COQ2: variants seen among roughly 807,000 people sequenced by gnomAD.
The protein encoded by COQ2 is coenzyme Q2, polyprenyltransferase.
COQ2 carries 25 observed loss-of-function variants against 35.7 expected under a neutral mutation model. The ratio of observed to expected loss-of-function variants is 0.70; its 90% CI spans 0.51 to 0.98. COQ2 has a LOEUF of 0.98. Ranked by LOEUF, COQ2 falls within the 50% of genes least tolerant of loss-of-function variation. COQ2 has a pLI of 0.00. For synonymous variants in COQ2, 206 were observed against 186.2 expected (o/e 1.11, Z -0.86); for missense variants, 488 against 473.5 (o/e 1.03, Z -0.28).
chr4:83,269,612 T>C (rs1162097506), intron 5 of COQ2, among the ~76,000 whole-genome samples: 2 of 152,226 alleles, frequency 1.3e-5, no homozygotes, highest in South Asian at 2.1e-4. Context: ...AATACTACTT[T>C]ATTGCTTGTA....
chr4:83,270,041 G>A, intron 4 of COQ2, 48 bp from the exon 5 acceptor site: 1 of 1,594,760 alleles, frequency 6.3e-7, no homozygotes, highest in South Asian at 1.1e-5. Flanking sequence ...ATGTACTTTA[G>A]AATCCTAAAG....
At position 83,273,505 on chromosome 4, in the gene COQ2, T is replaced by C. The variant is rs121918232; in HGVS notation, c.533A>G (p.Asn178Ser). ...AAAACGTTTAATATACCTGTAGTAA[T>C]TTAGACACAGAAGAACACCCAGTGC... ...TLALGVLLCL[N>S]YYSIALGAGS... The change falls in exon 3 of 7, where the codon AAT becomes AGT. Residue 178 changes from asparagine (N) to serine (S), a missense_variant. Asn to Ser is a conservative substitution (Grantham distance 46). Transcript: ENST00000647002. 291 of 1,613,012 alleles carry C rather than the reference T, an allele frequency of 1.8e-4. No individual in the cohort carries two copies. Among genetic ancestry groups the C allele is most frequent in the Non-Finnish European group, 2.4e-4 (281 of 1,179,536 alleles).
At chr4:83,276,309 C>T (rs1401138043) in intron 2 of COQ2, among the ~76,000 whole-genome samples, 2 of 151,762 alleles carry the variant, frequency 1.3e-5, no homozygotes, top group Non-Finnish European at 2.9e-5. Flanking sequence ...TTGTTGGACG[C>T]ATTGTTTGTA....
chr4:83,267,596 A>G lies in COQ2; in HGVS notation c.941T>C (p.Leu314Pro), dbSNP rs753215550. Residue 314 changes from leucine (L) to proline (P), a missense_variant, in exon 6 of 7, where the codon CTG (leucine) becomes CCG (proline). Physicochemically the swap from Leu to Pro is moderately conservative, Grantham distance 98. Transcript: ENST00000647002. Reference protein sequence around the residue: ...YAALGAVGAHLTHQIYTLDIH... With the variant: ...YAALGAVGAHPTHQIYTLDIH... ...AGAAAAAGGTCAAACCTGGTGAGTC[A>G]GATGGGCTCCTACAGCACCCAGGGC... 1.3e-6 allele frequency: 2 copies of G among 1,569,138 alleles called. No individual in the cohort carries two copies. The highest frequency in any genetic ancestry group is 1.4e-5 in the African/African-American group (1 of 73,208).
Position 83,272,101 on chromosome 4 carries a change from G to C in COQ2, c.614C>G (p.Pro205Arg), listed in dbSNP as rs762231381. ...TGTAAGCTCACCCAAGGCTAGTTGA[G>C]GCCAGTATGAAATTCTTTTCATTAG... ...YPLMKRISYW[P>R]QLALGLTFNW... The change falls in exon 4 of 7, where the codon CCT (proline) becomes CGT (arginine). Residue 205 changes from proline to arginine, a missense_variant. Coordinates refer to ENST00000647002, the MANE Select transcript of COQ2 (RefSeq NM_001358921.2). 8.7e-6 allele frequency: 14 copies of C among 1,606,810 alleles called. No individual in the cohort carries two copies. Among genetic ancestry groups the C allele is most frequent in the Non-Finnish European group, 1.2e-5 (14 of 1,175,828 alleles).
chr4:83,274,885 T>C (rs1004106990), intron 2 of COQ2, among the ~76,000 whole-genome samples: 2 of 152,222 alleles, frequency 1.3e-5, no homozygotes, highest in Admixed American at 6.5e-5. Context: ...TGGTGTCATT[T>C]CTATTATTCT....
chr4:83,272,298 G>A, intron 3 of COQ2, 126 bp from the exon 4 acceptor site: 1 of 516,810 alleles, frequency 1.9e-6, no homozygotes, highest in Non-Finnish European at 3.4e-6. Context: ...TATATTTTAT[G>A]TAAGTTATCT....
chr4:83,279,856 TAGTC>T (rs965719565), intron 1 of COQ2, among the ~76,000 whole-genome samples: 2 of 121,160 alleles, frequency 1.7e-5, no homozygotes, highest in Non-Finnish European at 3.3e-5. Context: ...TTAGACGGTC[TAGTC>T]TTTTTTTTTT....
chr4:83,284,285 C>T (rs1735397618), intron 1 of COQ2: 1 of 985,304 alleles, frequency 1.0e-6, no homozygotes, highest in Non-Finnish European at 1.2e-6. Flanking sequence ...TGAGGTGACT[C>T]GCCCCAGGGC....
chr4:83,274,707 G>C (rs1735128617), intron 2 of COQ2, among the ~76,000 whole-genome samples: 1 of 152,070 alleles, frequency 6.6e-6, no homozygotes, highest in Non-Finnish European at 1.5e-5. Flanking sequence ...TAAATATGTA[G>C]GTTTATGTCT....
rs1361234413 is a variant in COQ2 at position 83,279,200 on chromosome 4, TAAAG to T, written c.254-90_254-87del. The T allele has an allele frequency of 3.6e-6, 5 of 1,400,324 alleles. No individual in the cohort carries two copies. The African/African-American group carries it at 4.5e-5, about 13-fold the overall frequency. The allele number at this position is 1,400,324 out of a possible 1,614,324, so 86.7% of individuals were successfully genotyped here. On this transcript the variant is annotated intron_variant, in intron 1 of 6. Coordinates refer to ENST00000647002, the MANE Select transcript of COQ2 (RefSeq NM_001358921.2). The stretch of plus-strand genomic sequence containing the variant: ...GTTTAAACATCACATACCAAAGAAA[TAAAG>T]AACACTATAAGTCAAAAAAACAAAT...
rs1313099895 is a variant in COQ2, at chr4:83,273,603, G to C, written c.435C>G (p.Ala145=). 1.2e-6 allele frequency: 2 copies of C among 1,613,096 alleles called. No homozygotes were observed. Among genetic ancestry groups the C allele is most frequent in the African/African-American group, 2.7e-5 (2 of 74,802 alleles). ...QDYDKKVTRT[A]NRPIAAGDIS... ...TGTCTCCAGCGGCTATTGGACGATT[G>C]GCTGTTCTTGTAACCTTAAAACATA... The change falls in exon 3 of 7, where the codon GCC becomes GCG. Residue 145 remains alanine, a synonymous_variant. Transcript: ENST00000647002.
chr4:83,269,411 T>C (rs114212190), intron 5 of COQ2, among the ~76,000 whole-genome samples: 2,799 of 152,284 alleles, frequency 0.018, 63 homozygotes, highest in Non-Finnish European at 0.025. Flanking sequence ...CAGAAGAATG[T>C]AGTGGTTAAA....
At chr4:83,277,973 AACACAC>A (rs10595798) in intron 2 of COQ2, among the ~76,000 whole-genome samples, 14,510 of 140,038 alleles carry the variant, frequency 0.1, 838 homozygotes, top group African/African-American at 0.14. Context: ...TCCATCTCAA[AACACAC>A]ACACACACAC....
At chr4:83,269,764 C>T in intron 5 of COQ2, 96 bp downstream of exon 5, 1 of 1,119,118 alleles carries the variant, frequency 8.9e-7, no homozygotes, top group Non-Finnish European at 1.2e-6. Flanking sequence ...TCTTAAAAAA[C>T]AACAACAAAT....
chr4:83,264,507 C>T (rs775367250), intron 6 of COQ2, 144 bp from the exon 7 acceptor site: 1 of 1,243,912 alleles, frequency 8.0e-7, no homozygotes, highest in Non-Finnish European at 1.1e-6. Flanking sequence ...CACGAAGGCA[C>T]ATGCCTGTAG....
At chr4:83,280,295 A>G (rs747313502) in intron 1 of COQ2, among the ~76,000 whole-genome samples, 3 of 152,232 alleles carry the variant, frequency 2.0e-5, no homozygotes, top group Non-Finnish European at 4.4e-5. Flanking sequence ...ATGTTTGGAT[A>G]TGCTGCCTAT....
At chr4:83,275,355 C>A (rs1015378139) in intron 2 of COQ2, among the ~76,000 whole-genome samples, 10 of 151,922 alleles carry the variant, frequency 6.6e-5, no homozygotes, top group Admixed American at 3.9e-4. Context: ...CTAATTGCTA[C>A]CAGCTGGGGT....
chr4:83,272,962 C>G (rs552884008), intron 3 of COQ2, among the ~76,000 whole-genome samples: 1 of 152,174 alleles, frequency 6.6e-6, no homozygotes, highest in African/African-American at 2.4e-5. Context: ...TCTTTCTTCT[C>G]TCGCATTGAA....
Sources: gnomAD v4.1 joint callset for allele counts (sites outside exome capture counted in the v4.1 genomes callset) on GRCh38, gnomAD v4.1.1 for gene constraint, MANE v1.5 for transcripts, NCBI Gene and HGNC (gene_info 2026-07-23, HGNC 2026-07-21) for gene names.